BCO1: variants seen among roughly 807,000 people sequenced by gnomAD.
The protein encoded by BCO1 is beta,beta-carotene 15,15'-dioxygenase.
BCO1 carries 54 observed loss-of-function variants against 56.3 expected under a neutral mutation model. The observed-to-expected ratio is 0.96, with a 90% CI of 0.77 to 1.20. The LOEUF is 1.20. BCO1 is among the 50% of genes most tolerant of loss of function. The probability of loss-of-function intolerance (pLI) is 0.00; values close to 1 mark genes in which losing one functional copy is unlikely to be tolerated. For synonymous variants in BCO1, 318 were observed against 266.1 expected (o/e 1.20, Z -1.90); for missense variants, 801 against 690.9 (o/e 1.16, Z -1.79).
chr16:81,272,966 C>T (rs1191858449), intron 7 of BCO1, among the ~76,000 whole-genome samples: 2 of 151,824 alleles, frequency 1.3e-5, no homozygotes, highest in African/African-American at 2.4e-5. Flanking sequence ...TCTAAACCCC[C>T]ATTTTTTTTT....
chr16:81,281,924 T>C (rs1236179212), intron 8 of BCO1, among the ~76,000 whole-genome samples: 3 of 152,238 alleles, frequency 2.0e-5, no homozygotes, highest in African/African-American at 7.2e-5. Flanking sequence ...CCCCAGAATA[T>C]AAGCCCGTGA....
At chr16:81,245,335 G>A in intron 1 of BCO1, 140 bp from the exon 2 acceptor site, 2 of 1,303,944 alleles carry the variant, frequency 1.5e-6, no homozygotes, top group South Asian at 1.2e-5. Flanking sequence ...TACACTTTCT[G>A]GAAATGACTG....
At chr16:81,245,345 G>C in intron 1 of BCO1, 130 bp from the exon 2 acceptor site, 1 of 1,381,130 alleles carries the variant, frequency 7.2e-7, no homozygotes, top group Non-Finnish European at 1.0e-6. Context: ...GGAAATGACT[G>C]TAGAATAAAC....
chr16:81,263,573 T>C (rs1347847690), intron 4 of BCO1: 1 of 152,242 alleles, frequency 6.6e-6, no homozygotes, highest in Admixed American at 6.5e-5. Context: ...CCCATAACTC[T>C]GTTCATAATT....
intron 2 of BCO1, among the ~76,000 whole-genome samples, chr16:81,247,822 G>C (rs138776864): frequency 6.6e-6 from 1 of 151,738 alleles, no homozygotes; most frequent in East Asian, 1.9e-4. Context: ...CACCACGCCC[G>C]GCCCATCCCA....
At chr16:81,264,605 A>G in intron 4 of BCO1, 35 bp from the exon 5 acceptor site, 3 of 1,611,826 alleles carry the variant, frequency 1.9e-6, no homozygotes, top group Non-Finnish European at 2.5e-6. Context: ...ATTATCGTAA[A>G]TACTTTAAAA....
At chr16:81,288,503 G>T (rs573974794) in intron 10 of BCO1, among the ~76,000 whole-genome samples, 4 of 152,122 alleles carry the variant, frequency 2.6e-5, no homozygotes, top group Non-Finnish European at 2.9e-5. Context: ...GGGCTCAAGC[G>T]ATCCTCCCAT....
At position 81,238,818 on chromosome 16, in the gene BCO1, A is replaced by G; in HGVS notation, c.-91A>G. The G allele has an allele frequency of 9.0e-7, 1 of 1,105,096 alleles. No homozygotes were observed. 68.5% of individuals were successfully genotyped at this position (1,105,096 alleles called of 1,614,324 possible). ...GGAGGGAAGGAGCAGGAGAGCAGGAAGGAAACGCAGGAGGAGGGAGCAGCA... is the reference window on the plus strand; with the variant it reads ...GGAGGGAAGGAGCAGGAGAGCAGGAGGGAAACGCAGGAGGAGGGAGCAGCA... On this transcript the variant is annotated 5_prime_UTR_variant, in exon 1 of 11. Coordinates refer to ENST00000258168, the MANE Select transcript of BCO1 (RefSeq NM_017429.3).
intron 5 of BCO1, 137 bp downstream of exon 5, chr16:81,264,924 A>G (rs570813648): frequency 1.0e-6 from 1 of 960,152 alleles, no homozygotes; most frequent in South Asian, 1.4e-5. Context: ...CCATGAAGTC[A>G]GTACTTTCCT....
At chr16:81,289,304 A>T (rs927818236) in intron 10 of BCO1, among the ~76,000 whole-genome samples, 2 of 152,200 alleles carry the variant, frequency 1.3e-5, no homozygotes, top group African/African-American at 4.8e-5. Context: ...GGATGAGTTT[A>T]GTAGCACTGC....
chr16:81,286,050 AT>A (rs748421584), intron 9 of BCO1, among the ~76,000 whole-genome samples: 54 of 132,964 alleles, frequency 4.1e-4, no homozygotes, highest in Non-Finnish European at 6.2e-4. Flanking sequence ...TTTCCTTTTT[AT>A]TTAAAAAAAA....
chr16:81,279,294 C>G (rs1248386018), intron 7 of BCO1, among the ~76,000 whole-genome samples: 1 of 151,952 alleles, frequency 6.6e-6, no homozygotes, highest in Admixed American at 6.6e-5. Context: ...AAAATAGAAG[C>G]TATCTTAGAA....
chr16:81,279,908 A>T (rs1322121613), intron 7 of BCO1, among the ~76,000 whole-genome samples: 1 of 152,184 alleles, frequency 6.6e-6, no homozygotes, highest in Non-Finnish European at 1.5e-5. Context: ...AAATACAGAG[A>T]GGCATACAAA....
At chr16:81,268,470 G>A (rs913715878) in intron 6 of BCO1, among the ~76,000 whole-genome samples, 5 of 152,234 alleles carry the variant, frequency 3.3e-5, no homozygotes, top group African/African-American at 4.8e-5. Context: ...CCCCACCTCC[G>A]CCCTGTTGAC....
intron 5 of BCO1, among the ~76,000 whole-genome samples, chr16:81,265,712 C>G (rs955645914): frequency 6.6e-6 from 1 of 150,806 alleles, no homozygotes; most frequent in Non-Finnish European, 1.5e-5. Context: ...ATCTACCTAC[C>G]CATCCACCCA....
rs1329148186 is a variant in BCO1, at chr16:81,270,311, C to T, written c.996C>T (p.Tyr332=). The change falls in exon 7 of 11, where the codon TAC becomes TAT. Residue 332 remains tyrosine (Y), a synonymous_variant. Coordinates refer to ENST00000258168, the MANE Select transcript of BCO1 (RefSeq NM_017429.3). ...DVIAYEDNSL[Y]QLFYLANLNQ... is the part of the protein sequence containing the mutation. Reference sequence around the variant, plus strand: ...TTGCCTACGAGGACAACAGCCTCTACCAGCTCTTCTACCTGGCCAACCTGA... The same window carrying T: ...TTGCCTACGAGGACAACAGCCTCTATCAGCTCTTCTACCTGGCCAACCTGA... The T allele has an allele frequency of 6.2e-7, 1 of 1,614,024 alleles. No homozygotes were observed. The highest frequency in any genetic ancestry group is 2.2e-5 in the East Asian group (1 of 44,886).
intron 2 of BCO1, among the ~76,000 whole-genome samples, chr16:81,257,702 C>A (rs1388344189): frequency 6.6e-6 from 1 of 151,602 alleles, no homozygotes; most frequent in African/African-American, 2.4e-5. Context: ...ATGGCAAAAC[C>A]CTGTCTCTAC....
chr16:81,250,127 G>T (rs977382059), intron 2 of BCO1, among the ~76,000 whole-genome samples: 3 of 152,158 alleles, frequency 2.0e-5, no homozygotes, highest in African/African-American at 7.2e-5. Context: ...TCCTGAGGAG[G>T]ATAGCCTGGG....
intron 8 of BCO1, among the ~76,000 whole-genome samples, chr16:81,285,074 A>C (rs989916261): frequency 6.6e-6 from 1 of 152,038 alleles, no homozygotes; most frequent in African/African-American, 2.4e-5. Flanking sequence ...TCCCGAACTC[A>C]AGTGATCTGC....
Sources: allele counts gnomAD v4.1 joint callset (sites outside exome capture counted in the v4.1 genomes callset), GRCh38; gene constraint gnomAD v4.1.1; transcripts MANE v1.5; gene names NCBI Gene and HGNC (gene_info 2026-07-23, HGNC 2026-07-21).